LRBA: variants seen among roughly 807,000 people sequenced by gnomAD.
LRBA encodes the protein lipopolysaccharide-responsive and beige-like anchor protein.
A neutral mutation model predicts 330.0 loss-of-function variants in LRBA; 176 were observed. The observed-to-expected ratio is 0.53, with a 90% CI of 0.47 to 0.60. The LOEUF (loss-of-function observed/expected upper bound fraction) is 0.60. Among genes scored for constraint, LRBA ranks in the 20% least tolerant of loss-of-function variants. The pLI, the probability that LRBA is intolerant of heterozygous loss-of-function variation, is 0.00. For synonymous variants in LRBA, 1,230 were observed against 1,193.0 expected (o/e 1.03, Z -0.64); for missense variants, 3,259 against 3,444.8 (o/e 0.95, Z 1.35).
At chr4:150,489,638 G>GAATATAT (rs1215952808) in intron 41 of LRBA, among the ~76,000 whole-genome samples, 26 of 80,248 alleles carry the variant, frequency 3.2e-4, no homozygotes, top group Admixed American at 4.8e-4. Flanking sequence ...TAATATATAA[G>GAATATAT]AATATATAAT....
intron 4 of LRBA, among the ~76,000 whole-genome samples, chr4:150,926,844 G>A (rs996631831): frequency 4.6e-5 from 7 of 151,968 alleles, no homozygotes; most frequent in Non-Finnish European, 8.8e-5. Context: ...AGGCCAAGAC[G>A]GGTGGATCAC....
At chr4:150,758,441 G>A (rs1329842272) in intron 35 of LRBA, among the ~76,000 whole-genome samples, 2 of 152,098 alleles carry the variant, frequency 1.3e-5, no homozygotes, top group African/African-American at 4.8e-5. Context: ...AGAATATCCT[G>A]TCAGGTCTTA....
intron 44 of LRBA, among the ~76,000 whole-genome samples, chr4:150,437,770 T>C (rs1225663699): frequency 2.0e-5 from 3 of 152,132 alleles, no homozygotes; most frequent in Non-Finnish European, 4.4e-5. Flanking sequence ...CAACGTTCAA[T>C]GAATGCTAAC....
At chr4:150,388,515 AG>A in intron 47 of LRBA, among the ~76,000 whole-genome samples, 1 of 152,342 alleles carries the variant, frequency 6.6e-6, no homozygotes, top group East Asian at 1.9e-4. Flanking sequence ...AATCATCTTT[AG>A]GCAAAATTCC....
At chr4:150,415,656 A>T (rs551277893) in intron 46 of LRBA, 66 bp from the exon 47 acceptor site, 226 of 944,994 alleles carry the variant, frequency 2.4e-4, no homozygotes, top group Admixed American at 7.1e-5. Flanking sequence ...ATTCAAAAAA[A>T]GGACCTGATC....
At chr4:150,406,888 C>T (rs1746272052) in intron 47 of LRBA, among the ~76,000 whole-genome samples, 1 of 152,192 alleles carries the variant, frequency 6.6e-6, no homozygotes, top group Non-Finnish European at 1.5e-5. Flanking sequence ...TCAAGCGATC[C>T]TCCTGCCTCA....
chr4:150,665,716 T>C (rs975173273), intron 37 of LRBA, among the ~76,000 whole-genome samples: 2 of 152,232 alleles, frequency 1.3e-5, no homozygotes, highest in Non-Finnish European at 2.9e-5. Flanking sequence ...CATGTTGTTA[T>C]ATGCACCAGT....
At chr4:150,985,226 C>G (rs2149612874) in intron 2 of LRBA, among the ~76,000 whole-genome samples, 1 of 150,282 alleles carries the variant, frequency 6.7e-6, no homozygotes, top group Non-Finnish European at 1.5e-5. Context: ...TCACTGCACT[C>G]CAGCCTGGGT....
chr4:150,939,451 G>A (rs1306577180), intron 2 of LRBA, among the ~76,000 whole-genome samples: 1 of 152,124 alleles, frequency 6.6e-6, no homozygotes, highest in Non-Finnish European at 1.5e-5. Flanking sequence ...CCAGAAGTCA[G>A]GAAAGAAACA....
At chr4:150,346,049 C>A (rs1482156640) in intron 48 of LRBA, among the ~76,000 whole-genome samples, 1 of 152,142 alleles carries the variant, frequency 6.6e-6, no homozygotes, top group African/African-American at 2.4e-5. Context: ...CTCAAGTGAT[C>A]CTCCTGCCGT....
At chr4:150,396,023 T>C (rs139042749) in intron 47 of LRBA, among the ~76,000 whole-genome samples, 1 of 152,162 alleles carries the variant, frequency 6.6e-6, no homozygotes, top group African/African-American at 2.4e-5. Context: ...GATGCCCAGA[T>C]AGCTGGTAAG....
chr4:150,569,113 C>A (rs559384909), intron 40 of LRBA, among the ~76,000 whole-genome samples: 3 of 152,046 alleles, frequency 2.0e-5, no homozygotes, highest in Non-Finnish European at 2.9e-5. Flanking sequence ...GTTTGCCACA[C>A]AGTAAATGTT....
intron 2 of LRBA, among the ~76,000 whole-genome samples, chr4:150,997,552 G>A (rs1435598854): frequency 4.6e-5 from 7 of 151,968 alleles, no homozygotes; most frequent in Non-Finnish European, 1.0e-4. Flanking sequence ...AAAGACTTAA[G>A]ACGATCCTGC....
chr4:150,557,443 TAAGCGG>T (rs1767471973), intron 40 of LRBA, among the ~76,000 whole-genome samples: 1 of 151,990 alleles, frequency 6.6e-6, no homozygotes, highest in Admixed American at 6.6e-5. Context: ...GAAGAACTGT[TAAGCGG>T]ACTCCATATT....
At chr4:150,473,347 G>C (rs1461830792) in intron 42 of LRBA, among the ~76,000 whole-genome samples, 1 of 152,146 alleles carries the variant, frequency 6.6e-6, no homozygotes, top group African/African-American at 2.4e-5. Flanking sequence ...ATACAACTCT[G>C]TGATAGTTAA....
chr4:150,309,357 T>G (rs1394307805), intron 52 of LRBA, among the ~76,000 whole-genome samples: 1 of 152,152 alleles, frequency 6.6e-6, no homozygotes, highest in Non-Finnish European at 1.5e-5. Flanking sequence ...TACTCTATAA[T>G]GCTGCACAAC....
At chr4:150,838,647 C>G (rs563982176) in intron 28 of LRBA, among the ~76,000 whole-genome samples, 2 of 152,132 alleles carry the variant, frequency 1.3e-5, no homozygotes, top group Admixed American at 1.3e-4. Flanking sequence ...TCCATCAGGT[C>G]CTTTAAGGAC....
intron 2 of LRBA, among the ~76,000 whole-genome samples, chr4:150,969,296 T>C (rs1177138996): frequency 1.3e-5 from 2 of 152,256 alleles, no homozygotes; most frequent in Admixed American, 1.3e-4. Flanking sequence ...GTGATTCCTC[T>C]GATAGAGCTG....
At chr4:150,865,057 C>T (rs1489248234) in intron 22 of LRBA, among the ~76,000 whole-genome samples, 1 of 152,124 alleles carries the variant, frequency 6.6e-6, no homozygotes, top group Non-Finnish European at 1.5e-5. Flanking sequence ...CTGTTAGAAA[C>T]GTGAAAAATC....
Sources: gnomAD v4.1 joint callset for allele counts (sites outside exome capture counted in the v4.1 genomes callset) on GRCh38, gnomAD v4.1.1 for gene constraint, MANE v1.5 for transcripts, NCBI Gene and HGNC (gene_info 2026-07-23, HGNC 2026-07-21) for gene names.